The following SPTA1 variants were observed in gnomAD, a reference collection of about 807,000 sequenced individuals.
SPTA1 encodes spectrin alpha, erythrocytic 1, also known as spectrin alpha chain, erythrocytic 1.
A neutral mutation model predicts 324.7 loss-of-function variants in SPTA1; 177 were observed. The observed-to-expected ratio is 0.55, with a 90% CI of 0.48 to 0.62. The LOEUF (loss-of-function observed/expected upper bound fraction) is 0.62, where lower values mean the gene tolerates loss of function less well. SPTA1 is among the 20% of genes least tolerant of loss of function. SPTA1 has a pLI of 0.00. For synonymous variants in SPTA1, 1,195 were observed against 1,041.3 expected, an observed-to-expected ratio of 1.15 and a Z score of -2.84; for missense variants, 3,162 against 2,883.6, an observed-to-expected ratio of 1.10 and a Z score of -2.21.
At chr1:158,656,720 A>G (rs1652854769) in intron 19 of SPTA1, 64 bp from the exon 20 acceptor site, 1 of 1,445,424 alleles carries the variant, frequency 6.9e-7, no homozygotes, top group Non-Finnish European at 9.7e-7. Flanking sequence ...TTCAACTACT[A>G]TTATTTTGGG....
At chr1:158,636,311 G>C (rs781573522) in intron 37 of SPTA1, among the ~76,000 whole-genome samples, 1 of 152,120 alleles carries the variant, frequency 6.6e-6, no homozygotes, top group Non-Finnish European at 1.5e-5. Context: ...GAGTGACCCT[G>C]CTGCCAAGTC....
At chr1:158,677,320 C>T (rs1004404651) in intron 7 of SPTA1, among the ~76,000 whole-genome samples, 5 of 152,018 alleles carry the variant, frequency 3.3e-5, no homozygotes, top group African/African-American at 1.2e-4. Flanking sequence ...TCAGCTGCAA[C>T]AGAACAAAAT....
At chr1:158,657,775 G>A (rs1312291016) in intron 18 of SPTA1, 81 bp from the exon 19 acceptor site, 39 of 1,399,566 alleles carry the variant, frequency 2.8e-5, no homozygotes, top group Non-Finnish European at 5.0e-6. Context: ...CCTTGGAAAA[G>A]AGAAAGGAAG....
chr1:158,617,878 G>A (rs1350467905), intron 46 of SPTA1, among the ~76,000 whole-genome samples, 161 bp downstream of exon 46: 1 of 152,106 alleles, frequency 6.6e-6, no homozygotes, highest in Non-Finnish European at 1.5e-5. Flanking sequence ...AAGTATAAGG[G>A]CAGAATGAAA....
Position 158,620,485 on chromosome 1 carries a change from G to T in SPTA1, c.6121-19C>A. 1 of 1,612,072 alleles carries T rather than the reference G, an allele frequency of 6.2e-7. No individual in the cohort carries two copies. Among genetic ancestry groups the T allele is most frequent in the Non-Finnish European group, 8.5e-7 (1 of 1,179,864 alleles). On this transcript the variant is annotated intron_variant, in intron 43 of 51. Transcript: ENST00000643759. Reference sequence around the variant, plus strand: ...CCTCAGCCTGCAGAGAGAAAAAAAAGACACTACCATCTTTCCTGATAAAGC... The same window carrying T: ...CCTCAGCCTGCAGAGAGAAAAAAAATACACTACCATCTTTCCTGATAAAGC...
At chr1:158,656,882 A>G (rs1407693982) in intron 19 of SPTA1, among the ~76,000 whole-genome samples, 2 of 152,246 alleles carry the variant, frequency 1.3e-5, no homozygotes, top group Admixed American at 1.3e-4. Flanking sequence ...CAAACTTGCA[A>G]AAGTATTTTT....
In SPTA1 at chr1:158,620,344, C is replaced by A; in HGVS notation, c.6243G>T (p.Leu2081=). Residue 2081 remains leucine, a synonymous_variant, in exon 44 of 52, where the codon CTG becomes CTT. Coordinates refer to ENST00000643759, the MANE Select transcript of SPTA1 (RefSeq NM_003126.4). ...CCAAGAAGTCCTCATGGTCTTTCTG[C>A]AGCTGCCGAATTTCATTCAGGGAGA... The part of the protein sequence containing the change: ...HCVSLNEIRQ[L]QKDHEDFLAS... The A allele has an allele frequency of 6.2e-7, 1 of 1,613,968 alleles. No individual in the cohort carries two copies. The highest frequency in any genetic ancestry group is 1.3e-5 in the African/African-American group (1 of 74,928).
chr1:158,660,514 A>G (rs1242907395), intron 18 of SPTA1, among the ~76,000 whole-genome samples: 2 of 152,076 alleles, frequency 1.3e-5, no homozygotes, highest in African/African-American at 4.8e-5. Context: ...GAGCTTCAAA[A>G]TATAAGAAAC....
At chr1:158,674,483 T>A in intron 9 of SPTA1, 53 bp from the exon 10 acceptor site, 2 of 1,614,096 alleles carry the variant, frequency 1.2e-6, no homozygotes, top group Non-Finnish European at 1.7e-6. Context: ...CTGGCATTTC[T>A]GGCATTCAGC....
rs1345384278 is a variant in SPTA1 at position 158,659,595 on chromosome 1, A to ATTATT, written c.2587+1691_2587+1692insAATAA. On this transcript the variant is annotated intron_variant, in intron 18 of 51. Coordinates refer to ENST00000643759, the MANE Select transcript of SPTA1 (RefSeq NM_003126.4). ...AAAAGAAAATAATAGTCTTAGCATT[A>ATTATT]TTTTTTTTTTTTTTTTTTTTTTTTT... Among the ~76,000 whole-genome samples the ATTATT allele has an allele frequency of 1.7e-4, 12 of 68,716 alleles. 4 individuals carry two copies. Among genetic ancestry groups the ATTATT allele is most frequent in the South Asian group, 9.1e-4 (1 of 1,102 alleles). 45.1% of individuals were successfully genotyped at this position (68,716 alleles called of 152,430 possible).
chr1:158,677,628 A>G (rs1654476160), intron 7 of SPTA1, 62 bp downstream of exon 7: 3 of 1,600,828 alleles, frequency 1.9e-6, no homozygotes, highest in Non-Finnish European at 2.6e-6. Context: ...GTAATAGGCA[A>G]GATAATCAAC....
chr1:158,668,422 A>G (rs373143423), intron 14 of SPTA1, among the ~76,000 whole-genome samples: 13 of 152,286 alleles, frequency 8.5e-5, no homozygotes, highest in African/African-American at 3.1e-4. Flanking sequence ...ACCCATATAG[A>G]GATCTGTTTA....
intron 17 of SPTA1, 37 bp from the exon 18 acceptor site, chr1:158,661,446 C>G (rs966591099): frequency 6.2e-7 from 1 of 1,613,318 alleles, no homozygotes; most frequent in Middle Eastern, 1.7e-4. Flanking sequence ...TCGGATTATC[C>G]TGGTGTATGG....
Position 158,645,231 on chromosome 1 carries a change from C to T in SPTA1, c.4151G>A (p.Trp1384Ter). 1 of 1,613,932 alleles carries T rather than the reference C, an allele frequency of 6.2e-7. No individual in the cohort carries two copies. The highest frequency in any genetic ancestry group is 8.5e-7 in the Non-Finnish European group (1 of 1,179,886). ...GTCTAGGATCTTCTTGCGTTTTTCCCAAGCCTTCTCCAAATCATCTCTCTC... is the reference window on the plus strand; with the variant it reads ...GTCTAGGATCTTCTTGCGTTTTTCCTAAGCCTTCTCCAAATCATCTCTCTC... ...KLERDDLEKA[W>*]EKRKKILDQC... is the part of the protein sequence containing the mutation. Residue 1384 changes from tryptophan to a stop codon, truncating the protein, a stop_gained, in exon 29 of 52, where the codon TGG becomes TAG. Coordinates refer to ENST00000643759, the MANE Select transcript of SPTA1 (RefSeq NM_003126.4). LOFTEE classifies it high-confidence loss of function.
intron 17 of SPTA1, among the ~76,000 whole-genome samples, chr1:158,662,485 A>G (rs575263301): frequency 6.6e-6 from 1 of 152,334 alleles, no homozygotes; most frequent in Admixed American, 6.5e-5. Context: ...CAGGGGCCCT[A>G]AATTCATGGC....
In SPTA1 at chr1:158,638,481, T is replaced by C. The variant is rs536640560; in HGVS notation, c.4981-240A>G. Among the ~76,000 whole-genome samples the C allele has an allele frequency of 1.1e-4, 16 of 152,228 alleles. 1 individual carries two copies. The South Asian group carries it at 2.9e-3, about 28-fold the overall frequency. ...CTGTACATTTAGCCTGTGTCCTGTT[T>C]CTCCTTCTGATATTTTCAGTATTTG... On this transcript the variant is annotated intron_variant, in intron 35 of 51. Coordinates refer to ENST00000643759, the MANE Select transcript of SPTA1 (RefSeq NM_003126.4).
chr1:158,652,011 G>GA (rs1319047063), intron 23 of SPTA1, among the ~76,000 whole-genome samples: 1 of 151,676 alleles, frequency 6.6e-6, no homozygotes, highest in African/African-American at 2.4e-5. Context: ...TAAGATAATG[G>GA]AAAAAAATCT....
chr1:158,615,236 C>T lies in SPTA1; in HGVS notation c.6768G>A (p.Leu2256=), dbSNP rs1174261305. 1 of 1,613,418 alleles carries T rather than the reference C, an allele frequency of 6.2e-7. No homozygotes were observed. The highest frequency in any genetic ancestry group is 1.3e-5 in the African/African-American group (1 of 74,914). The change falls in exon 48 of 52, where the codon CTG becomes CTA. Residue 2256 remains leucine (L), a synonymous_variant. Coordinates refer to ENST00000643759, the MANE Select transcript of SPTA1 (RefSeq NM_003126.4). The part of the protein sequence containing the change: ...YQLGLRMQHN[L]EQQIQAKDIK... ...AATACTTGGCCTGGATCTGTTGCTCCAGGTTGTGTTGCATCCGCAACCCAA... is the reference window on the plus strand; with the variant it reads ...AATACTTGGCCTGGATCTGTTGCTCTAGGTTGTGTTGCATCCGCAACCCAA...
intron 16 of SPTA1, among the ~76,000 whole-genome samples, chr1:158,664,510 A>G (rs1653457028): frequency 6.6e-6 from 1 of 152,140 alleles, no homozygotes; most frequent in Non-Finnish European, 1.5e-5. Context: ...GGGGAACATC[A>G]CACACCGGGG....
Sources: allele counts gnomAD v4.1 joint callset (sites outside exome capture counted in the v4.1 genomes callset), GRCh38; gene constraint gnomAD v4.1.1; transcripts MANE v1.5; gene names NCBI Gene and HGNC (gene_info 2026-07-23, HGNC 2026-07-21).